Variants in SV2C observed in about 807,000 individuals in gnomAD.
SV2C encodes synaptic vesicle glycoprotein 2C, also known as solute carrier family 22 member B3.
In SV2C, 49 loss-of-function variants were observed where a neutral mutation model predicts 79.7. The observed-to-expected ratio is 0.61, with a 90% CI of 0.49 to 0.78. The LOEUF is 0.78. Ranked by LOEUF, SV2C falls within the 30% of genes least tolerant of loss-of-function variation. The pLI, the probability that SV2C is intolerant of heterozygous loss-of-function variation, is 0.00. For missense variants in SV2C, 833 were observed against 912.9 expected, an observed-to-expected ratio of 0.91 and a Z score of 1.13; for synonymous variants, 334 against 333.2, an observed-to-expected ratio of 1.00 and a Z score of -0.03.
At chr5:75,868,691 A>T in the SV2C span, among the ~76,000 whole-genome samples, 1 of 152,162 alleles carries the variant, frequency 6.6e-6, no homozygotes, top group South Asian at 2.1e-4. Flanking sequence ...AATGCTGAGG[A>T]TTGAGAAGGG....
At chr5:76,264,490 C>G (rs755273210) in intron 4 of SV2C, among the ~76,000 whole-genome samples, 7 of 151,994 alleles carry the variant, frequency 4.6e-5, no homozygotes, top group Non-Finnish European at 8.8e-5. Flanking sequence ...AGAGAAGTTG[C>G]GATCATTTGA....
the SV2C span, among the ~76,000 whole-genome samples, chr5:76,057,658 GT>G: frequency 6.6e-6 from 1 of 152,052 alleles, no homozygotes. Context: ...AAATGTTTCA[GT>G]TTTCTCACCT....
At chr5:76,254,118 G>A (rs1011129283) in intron 4 of SV2C, among the ~76,000 whole-genome samples, 1 of 150,774 alleles carries the variant, frequency 6.6e-6, no homozygotes, top group Non-Finnish European at 1.5e-5. Context: ...CCACCTCCCT[G>A]TCTCTATTAT....
the SV2C span, among the ~76,000 whole-genome samples, chr5:75,955,112 G>C: frequency 6.7e-6 from 1 of 148,640 alleles, no homozygotes; most frequent in Non-Finnish European, 1.5e-5. Context: ...AAAGAACAAA[G>C]CTGGAGGCAT....
the SV2C span, among the ~76,000 whole-genome samples, chr5:75,860,924 C>CA: frequency 2.0e-5 from 3 of 152,134 alleles, no homozygotes; most frequent in Non-Finnish European, 4.4e-5. Flanking sequence ...TCACTATACG[C>CA]AAAAATTAAC....
chr5:76,309,784 T>C (rs558767567), intron 12 of SV2C, among the ~76,000 whole-genome samples: 7 of 152,144 alleles, frequency 4.6e-5, no homozygotes, highest in Admixed American at 2.0e-4. Context: ...AGTTTCTGCG[T>C]GTACAGTTGA....
the SV2C span, among the ~76,000 whole-genome samples, chr5:75,967,668 G>C: frequency 6.6e-6 from 1 of 152,216 alleles, no homozygotes; most frequent in Non-Finnish European, 1.5e-5. Flanking sequence ...AAACAAAGTG[G>C]CCAGGAAGCT....
chr5:76,085,281 G>C (rs186096538), intron 1 of SV2C, among the ~76,000 whole-genome samples: 77 of 152,322 alleles, frequency 5.1e-4, no homozygotes, highest in African/African-American at 1.7e-3. Context: ...AGGAGGCCTG[G>C]CCTCTAAGTG....
At chr5:75,962,849 C>T in the SV2C span, among the ~76,000 whole-genome samples, 1 of 152,010 alleles carries the variant, frequency 6.6e-6, no homozygotes, top group Non-Finnish European at 1.5e-5. Flanking sequence ...ATGGTTCCCA[C>T]AGAATAATTG....
the SV2C span, among the ~76,000 whole-genome samples, chr5:75,903,597 T>C: frequency 6.6e-6 from 1 of 152,202 alleles, no homozygotes; most frequent in African/African-American, 2.4e-5. Flanking sequence ...CTGTTTAGAA[T>C]TTCAGCCTGC....
the SV2C span, among the ~76,000 whole-genome samples, chr5:75,999,631 G>T: frequency 8.3e-5 from 12 of 144,482 alleles, no homozygotes; most frequent in African/African-American, 3.1e-4. Flanking sequence ...GGTGGGTGGG[G>T]TGAATTCCTC....
At chr5:76,304,371 T>C (rs546002739) in intron 12 of SV2C, among the ~76,000 whole-genome samples, 1 of 152,316 alleles carries the variant, frequency 6.6e-6, no homozygotes, top group Admixed American at 6.5e-5. Flanking sequence ...TTCTCTGGGT[T>C]GCATTAGGAG....
chr5:75,979,100 C>A, the SV2C span, among the ~76,000 whole-genome samples: 1 of 151,994 alleles, frequency 6.6e-6, no homozygotes, highest in African/African-American at 2.4e-5. Flanking sequence ...TAGTTTCTGA[C>A]AAAACTGACT....
the SV2C span, among the ~76,000 whole-genome samples, chr5:76,048,951 G>GAA: frequency 2.1e-3 from 240 of 113,708 alleles, 7 homozygotes; most frequent in African/African-American, 6.3e-3. Context: ...GAAAGAAAGA[G>GAA]AGAGAAAGAA....
intron 2 of SV2C, among the ~76,000 whole-genome samples, chr5:76,143,511 G>A (rs1749325870): frequency 1.3e-5 from 2 of 152,182 alleles, no homozygotes; most frequent in African/African-American, 4.8e-5. Context: ...TCCACAAAAT[G>A]TGAGCAGTGC....
chr5:76,113,700 C>T (rs1278028293), intron 1 of SV2C, among the ~76,000 whole-genome samples: 2 of 152,150 alleles, frequency 1.3e-5, no homozygotes, highest in Non-Finnish European at 2.9e-5. Context: ...TACCCATTTT[C>T]TTGGACTAAG....
chr5:75,872,370 C>A, the SV2C span, among the ~76,000 whole-genome samples: 1 of 151,982 alleles, frequency 6.6e-6, no homozygotes, highest in African/African-American at 2.4e-5. Context: ...AATTTAAACT[C>A]CAATTTGGTT....
intron 4 of SV2C, among the ~76,000 whole-genome samples, chr5:76,213,712 A>G (rs1342088847): frequency 2.0e-5 from 3 of 152,214 alleles, no homozygotes; most frequent in Non-Finnish European, 2.9e-5. Flanking sequence ...GAGCTAATTA[A>G]CATCTTTCAT....
At chr5:76,009,788 A>G in the SV2C span, among the ~76,000 whole-genome samples, 1,185 of 152,154 alleles carry the variant, frequency 7.8e-3, 23 homozygotes, top group African/African-American at 0.027. Context: ...AAGGGTTGAA[A>G]AACTATTGGA....
Sources: gnomAD v4.1 joint callset for allele counts (sites outside exome capture counted in the v4.1 genomes callset) on GRCh38, gnomAD v4.1.1 for gene constraint, MANE v1.5 for transcripts, NCBI Gene and HGNC (gene_info 2026-07-23, HGNC 2026-07-21) for gene names.